Variants in MYO3B observed in about 807,000 individuals in gnomAD.
MYO3B encodes myosin IIIB, also known as myosin-IIIb.
In MYO3B, 156 loss-of-function variants were observed where a neutral mutation model predicts 174.6. That is an observed-to-expected ratio of 0.89 (90% CI 0.78 to 1.02). MYO3B has a LOEUF of 1.02. Ranked by LOEUF, MYO3B falls within the 50% of genes least tolerant of loss-of-function variation. MYO3B has a pLI of 0.00. For synonymous variants in MYO3B, 563 were observed against 569.1 expected, an observed-to-expected ratio of 0.99 and a Z score of 0.15; for missense variants, 1,632 against 1,639.4, an observed-to-expected ratio of 1.00 and a Z score of 0.08.
intron 23 of MYO3B, among the ~76,000 whole-genome samples, chr2:170,458,659 C>G (rs1444194986): frequency 6.6e-6 from 1 of 152,216 alleles, no homozygotes; most frequent in East Asian, 1.9e-4. Context: ...ACAGCCTTCT[C>G]AGCCCTTTTG....
At chr2:170,533,522 TC>T (rs1413167405) in intron 30 of MYO3B, among the ~76,000 whole-genome samples, 2 of 152,032 alleles carry the variant, frequency 1.3e-5, no homozygotes, top group African/African-American at 4.8e-5. Flanking sequence ...TCTCTACAAG[TC>T]TATGCCTTGG....
At chr2:170,239,931 CTAAG>C (rs763383773) in intron 7 of MYO3B, among the ~76,000 whole-genome samples, 32 of 152,214 alleles carry the variant, frequency 2.1e-4, no homozygotes, top group Non-Finnish European at 3.8e-4. Flanking sequence ...TTTGAAGACT[CTAAG>C]TAAGAATCCG....
intron 7 of MYO3B, among the ~76,000 whole-genome samples, chr2:170,288,349 T>C (rs1259431395): frequency 1.3e-5 from 2 of 152,052 alleles, no homozygotes; most frequent in African/African-American, 2.4e-5. Flanking sequence ...ATTATTCCAA[T>C]CCATGAGCAG....
chr2:170,588,870 G>A (rs762633034), intron 32 of MYO3B, among the ~76,000 whole-genome samples: 19 of 152,190 alleles, frequency 1.2e-4, no homozygotes, highest in Non-Finnish European at 2.4e-4. Context: ...AAGAATCTAT[G>A]AATGTCATCT....
chr2:170,381,585 T>C (rs1031445715), intron 9 of MYO3B, among the ~76,000 whole-genome samples: 1 of 152,182 alleles, frequency 6.6e-6, no homozygotes, highest in Non-Finnish European at 1.5e-5. Flanking sequence ...AAGTGTTACG[T>C]AGGTTAAAAA....
intron 25 of MYO3B, among the ~76,000 whole-genome samples, chr2:170,482,207 G>A (rs527658644): frequency 6.6e-6 from 1 of 151,424 alleles, no homozygotes; most frequent in Non-Finnish European, 1.5e-5. Context: ...CCAGGCTGGA[G>A]TGCAGCGGAG....
intron 22 of MYO3B, among the ~76,000 whole-genome samples, chr2:170,439,406 T>A (rs2094782695): frequency 6.6e-6 from 1 of 152,008 alleles, no homozygotes; most frequent in Non-Finnish European, 1.5e-5. Context: ...TTTTTGTTAT[T>A]TGGCTTTTTT....
chr2:170,597,227 G>T (rs1488067175), intron 32 of MYO3B, among the ~76,000 whole-genome samples: 2 of 151,962 alleles, frequency 1.3e-5, no homozygotes, highest in East Asian at 3.9e-4. Flanking sequence ...AACAAAATTA[G>T]CCGGGCATGG....
chr2:170,535,232 C>G (rs1295400667), intron 30 of MYO3B, among the ~76,000 whole-genome samples: 1 of 152,316 alleles, frequency 6.6e-6, no homozygotes, highest in African/African-American at 2.4e-5. Flanking sequence ...TCGGTAAAGA[C>G]TTGGGAGCCG....
At chr2:170,234,126 C>A (rs1233537655) in intron 6 of MYO3B, among the ~76,000 whole-genome samples, 7 of 131,984 alleles carry the variant, frequency 5.3e-5, no homozygotes, top group Non-Finnish European at 1.1e-4. Flanking sequence ...AGCCGAGATC[C>A]CGCCACTGCA....
intron 6 of MYO3B, 102 bp from the exon 7 acceptor site, chr2:170,235,889 G>T (rs1028472963): frequency 2.1e-6 from 3 of 1,425,558 alleles, no homozygotes; most frequent in Non-Finnish European, 1.9e-6. Context: ...TATCATCGTG[G>T]CCAAGAAAAC....
intron 22 of MYO3B, among the ~76,000 whole-genome samples, chr2:170,414,774 A>T (rs925988103): frequency 6.6e-6 from 1 of 152,222 alleles, no homozygotes; most frequent in Non-Finnish European, 1.5e-5. Flanking sequence ...TGTTGTTTTC[A>T]GCATGCAGAT....
At chr2:170,373,504 G>A (rs759305638) in intron 9 of MYO3B, among the ~76,000 whole-genome samples, 1 of 152,182 alleles carries the variant, frequency 6.6e-6, no homozygotes, top group Admixed American at 6.5e-5. Context: ...GGTAAGGAAC[G>A]TTCAGTCCAC....
At chr2:170,633,333 C>T (rs1046164255) in intron 32 of MYO3B, among the ~76,000 whole-genome samples, 3 of 152,178 alleles carry the variant, frequency 2.0e-5, no homozygotes, top group Non-Finnish European at 4.4e-5. Context: ...AATCAATAAA[C>T]TTAATCCATC....
At chr2:170,201,228 A>C (rs759510189) in intron 3 of MYO3B, among the ~76,000 whole-genome samples, 7 of 152,232 alleles carry the variant, frequency 4.6e-5, no homozygotes, top group Admixed American at 1.3e-4. Context: ...TGACAAGGAA[A>C]ATAATGACAG....
At chr2:170,363,797 C>CG (rs1407145234) in intron 8 of MYO3B, among the ~76,000 whole-genome samples, 178 of 152,238 alleles carry the variant, frequency 1.2e-3, no homozygotes, top group African/African-American at 4.1e-3. Context: ...GCCTTATTTC[C>CG]AGAGTCTCTT....
rs189973940 is a variant in MYO3B at position 170,415,984 on chromosome 2, T to G, written c.2650+8140T>G. 1.5e-3 allele frequency among the ~76,000 whole-genome samples: 226 copies of G among 152,336 alleles called. 1 individual carries two copies. The highest frequency in any genetic ancestry group is 3.4e-3 in the Middle Eastern group (1 of 294). On this transcript the variant is annotated intron_variant, in intron 22 of 34. Transcript: ENST00000408978. ...CCAGTACCTCAGAATGTGACCTTAT[T>G]TGGAATTAGGGTATTTGCAGAGATA...
At chr2:170,181,235 G>C (rs1432018741) in intron 1 of MYO3B, among the ~76,000 whole-genome samples, 2 of 151,950 alleles carry the variant, frequency 1.3e-5, no homozygotes, top group East Asian at 3.8e-4. Context: ...CTGTTGAAAA[G>C]TTTTCCTTTC....
chr2:170,369,146 C>T (rs2094220220), intron 8 of MYO3B, 76 bp from the exon 9 acceptor site: 1 of 1,362,252 alleles, frequency 7.3e-7, no homozygotes, highest in Admixed American at 2.1e-5. Context: ...TTTACCTTCT[C>T]TCCATCTCCC....
Sources: gnomAD v4.1 joint callset for allele counts (sites outside exome capture counted in the v4.1 genomes callset) on GRCh38, gnomAD v4.1.1 for gene constraint, MANE v1.5 for transcripts, NCBI Gene and HGNC (gene_info 2026-07-23, HGNC 2026-07-21) for gene names.